PDE1C: variants seen among roughly 807,000 people sequenced by gnomAD.
PDE1C encodes phosphodiesterase 1C.
A neutral mutation model predicts 93.1 loss-of-function variants in PDE1C; 62 were observed. The ratio of observed to expected loss-of-function variants is 0.67; its 90% CI spans 0.54 to 0.82. The LOEUF is 0.82. PDE1C is among the 40% of genes least tolerant of loss of function. The probability of loss-of-function intolerance (pLI) is 0.00; values close to 1 mark genes in which losing one functional copy is unlikely to be tolerated. For synonymous variants in PDE1C, 325 were observed against 310.1 expected (o/e 1.05, Z -0.50); for missense variants, 742 against 884.6 (o/e 0.84, Z 2.04).
chr7:31,952,684 A>G (rs1807550165), intron 2 of PDE1C, among the ~76,000 whole-genome samples: 1 of 152,188 alleles, frequency 6.6e-6, no homozygotes, highest in Non-Finnish European at 1.5e-5. Flanking sequence ...CAAGTTCCAC[A>G]TCTGGAAAAT....
At chr7:32,122,117 GA>G (rs1032899758) in intron 3 of PDE1C, among the ~76,000 whole-genome samples, 4 of 152,074 alleles carry the variant, frequency 2.6e-5, no homozygotes, top group Non-Finnish European at 5.9e-5. Context: ...GATCAAAAAA[GA>G]AAAAGAATGA....
chr7:31,728,932 A>G, the PDE1C span, among the ~76,000 whole-genome samples: 208 of 152,330 alleles, frequency 1.4e-3, 1 homozygote, highest in Admixed American at 7.4e-3. Flanking sequence ...TCTGCACCCA[A>G]TGGGGCTAAA....
the PDE1C span, among the ~76,000 whole-genome samples, chr7:31,731,802 G>A: frequency 6.6e-6 from 1 of 152,220 alleles, no homozygotes; most frequent in African/African-American, 2.4e-5. Context: ...AGCCAATGTG[G>A]CCCATATTCT....
chr7:31,961,830 A>AG (rs1809037465), intron 2 of PDE1C, among the ~76,000 whole-genome samples: 2 of 152,336 alleles, frequency 1.3e-5, no homozygotes, highest in South Asian at 4.1e-4. Flanking sequence ...AAATATCTCC[A>AG]GAAACCATTT....
intron 2 of PDE1C, among the ~76,000 whole-genome samples, chr7:32,185,091 A>G (rs957702558): frequency 2.6e-5 from 4 of 151,560 alleles, no homozygotes; most frequent in African/African-American, 7.3e-5. Context: ...AGCCTGGGCA[A>G]CAAGAGCGAA....
At position 32,338,082 on chromosome 7, in the gene PDE1C, C is replaced by T. The variant is rs111278328; in HGVS notation, c.310+89740G>A. ...GGCAATGATTCCTTAGATATGACAT[C>T]GAAAGCACAGGCAACAAAAGAAAAA... On this transcript the variant is annotated intron_variant, in intron 1 of 1. Coordinates refer to the PDE1C transcript ENST00000672256. Among the ~76,000 whole-genome samples, 9 of 152,142 alleles carry T rather than the reference C, an allele frequency of 5.9e-5. 1 individual carries two copies. Among genetic ancestry groups the T allele is most frequent in the African/African-American group, 2.2e-4 (9 of 41,508 alleles).
chr7:31,628,640 T>G, the PDE1C span, among the ~76,000 whole-genome samples: 11 of 151,964 alleles, frequency 7.2e-5, no homozygotes, highest in African/African-American at 2.7e-4. Flanking sequence ...GTATTTTTAG[T>G]AGAGACAGGG....
At chr7:31,945,378 T>C (rs1005022578) in intron 2 of PDE1C, among the ~76,000 whole-genome samples, 6 of 152,210 alleles carry the variant, frequency 3.9e-5, no homozygotes, top group Admixed American at 3.9e-4. Context: ...ATCATTGTTC[T>C]CCTGGCTTTT....
intron 6 of PDE1C, among the ~76,000 whole-genome samples, chr7:31,872,500 A>T (rs1796066218): frequency 6.6e-6 from 1 of 152,156 alleles, no homozygotes; most frequent in African/African-American, 2.4e-5. Flanking sequence ...GTACCCTATA[A>T]ATATATACAA....
chr7:32,335,125 C>G (rs1213720667), intron 1 of PDE1C, among the ~76,000 whole-genome samples: 1 of 152,162 alleles, frequency 6.6e-6, no homozygotes, highest in Admixed American at 6.5e-5. Context: ...ATTATATGGA[C>G]ATATTCAATA....
intron 13 of PDE1C, among the ~76,000 whole-genome samples, chr7:31,823,679 A>G (rs151102244): frequency 9.9e-5 from 15 of 152,040 alleles, no homozygotes; most frequent in African/African-American, 3.6e-4. Flanking sequence ...CAGCTCTACC[A>G]TTCCCCTGCA....
At chr7:32,399,225 A>G (rs1585142925) in intron 1 of PDE1C, among the ~76,000 whole-genome samples, 1 of 152,192 alleles carries the variant, frequency 6.6e-6, no homozygotes, top group East Asian at 1.9e-4. Context: ...TTTTGTCCCC[A>G]TGTTGGATTG....
the PDE1C span, among the ~76,000 whole-genome samples, chr7:31,624,896 A>T: frequency 2.0e-5 from 3 of 152,224 alleles, no homozygotes; most frequent in Non-Finnish European, 4.4e-5. Flanking sequence ...TAATATCCAG[A>T]ATCTACAATG....
the PDE1C span, chr7:31,707,338 C>A: frequency 1.4e-6 from 2 of 1,459,358 alleles, no homozygotes; most frequent in Admixed American, 3.9e-5. Context: ...CCTGTGGTGA[C>A]CTAGAGAAAA....
chr7:31,694,571 C>T, the PDE1C span, among the ~76,000 whole-genome samples: 1 of 152,080 alleles, frequency 6.6e-6, no homozygotes, highest in Non-Finnish European at 1.5e-5. Context: ...CCATTTATTG[C>T]AGGGAGAGGC....
intron 1 of PDE1C, among the ~76,000 whole-genome samples, chr7:32,353,730 A>G (rs1022831903): frequency 2.0e-5 from 3 of 152,142 alleles, no homozygotes; most frequent in South Asian, 4.1e-4. Context: ...AATTTCTTGC[A>G]TGAGAGGAAC....
At chr7:31,702,725 C>T in the PDE1C span, among the ~76,000 whole-genome samples, 2 of 152,158 alleles carry the variant, frequency 1.3e-5, no homozygotes, top group Non-Finnish European at 2.9e-5. Flanking sequence ...GCTGTGACTG[C>T]CTTATGTTTC....
intron 1 of PDE1C, among the ~76,000 whole-genome samples, chr7:32,399,355 C>T (rs1179798279): frequency 1.3e-5 from 2 of 152,252 alleles, no homozygotes; most frequent in Middle Eastern, 6.8e-3. Context: ...AACAAAATGC[C>T]ATAGACTGAG....
chr7:31,866,699 G>A (rs1473951530), intron 6 of PDE1C, among the ~76,000 whole-genome samples: 1 of 152,104 alleles, frequency 6.6e-6, no homozygotes, highest in Non-Finnish European at 1.5e-5. Context: ...TCCAACACTA[G>A]AATTCAACAG....
Sources: allele counts gnomAD v4.1 joint callset (sites outside exome capture counted in the v4.1 genomes callset), GRCh38; gene constraint gnomAD v4.1.1; transcripts MANE v1.5; gene names NCBI Gene and HGNC (gene_info 2026-07-23, HGNC 2026-07-21).